The following EYS variants were observed in gnomAD, a reference collection of about 807,000 sequenced individuals.
EYS encodes EGF-like photoreceptor maintenance factor.
A neutral mutation model predicts 282.1 loss-of-function variants in EYS; 250 were observed. That is an observed-to-expected ratio of 0.89 (90% CI 0.80 to 0.98). The LOEUF (loss-of-function observed/expected upper bound fraction) is 0.98. EYS is among the 50% of genes least tolerant of loss of function. The probability of loss-of-function intolerance (pLI) is 0.00; values close to 1 mark genes in which losing one functional copy is unlikely to be tolerated. For missense variants in EYS, 4,016 were observed against 3,709.0 expected (o/e 1.08, Z -2.15); for synonymous variants, 1,355 against 1,282.9 (o/e 1.06, Z -1.20).
chr6:65,369,330 TTATATA>T (rs200969989), intron 8 of EYS, among the ~76,000 whole-genome samples: 1 of 138,314 alleles, frequency 7.2e-6, no homozygotes, highest in Non-Finnish European at 1.6e-5. Context: ...ATATATATAT[TTATATA>T]TATATATATC....
rs1337726327 is a variant in EYS at position 64,808,016 on chromosome 6, C to CCTTCCTCCCTCCCTT, written c.3443+5361_3443+5362insAAGGGAGGGAGGAAG. On this transcript the variant is annotated intron_variant, in intron 22 of 42. Transcript: ENST00000503581. ...TCCCTTACTTCCTTCCTCCCTCCCT[C>CCTTCCTCCCTCCCTT]CTTCCTTCCTCCCTCCTTCCTTCCT... Among the ~76,000 whole-genome samples, 5 of 149,162 alleles carry CCTTCCTCCCTCCCTT rather than the reference C, an allele frequency of 3.4e-5. No homozygotes were observed. In the East Asian group the frequency reaches 1.0e-3, roughly 30 times the overall value.
At chr6:64,410,425 T>C (rs1032162461) in intron 28 of EYS, among the ~76,000 whole-genome samples, 5 of 152,180 alleles carry the variant, frequency 3.3e-5, no homozygotes, top group Non-Finnish European at 5.9e-5. Context: ...GGAATCTTCA[T>C]GTCCAATGAG....
At chr6:64,539,046 C>T (rs897832058) in intron 26 of EYS, among the ~76,000 whole-genome samples, 3 of 152,108 alleles carry the variant, frequency 2.0e-5, no homozygotes, top group Non-Finnish European at 4.4e-5. Context: ...TGGAATCATA[C>T]AGTAATTGTC....
At chr6:65,348,759 T>C (rs1936592639) in intron 9 of EYS, among the ~76,000 whole-genome samples, 1 of 151,660 alleles carries the variant, frequency 6.6e-6, no homozygotes, top group Admixed American at 6.6e-5. Context: ...TACTAGTGCT[T>C]GTGGGGTATT....
intron 12 of EYS, among the ~76,000 whole-genome samples, chr6:65,291,102 T>A (rs1405913729): frequency 2.0e-5 from 3 of 151,558 alleles, no homozygotes; most frequent in Non-Finnish European, 3.0e-5. Flanking sequence ...ATAAGAAAAG[T>A]TGTATCTTTA....
At chr6:63,968,119 T>C (rs1304667971) in intron 35 of EYS, among the ~76,000 whole-genome samples, 1 of 152,224 alleles carries the variant, frequency 6.6e-6, no homozygotes, top group Non-Finnish European at 1.5e-5. Flanking sequence ...GAAAGACCTT[T>C]GTAACATGCT....
intron 29 of EYS, among the ~76,000 whole-genome samples, chr6:64,361,292 C>T (rs1440089274): frequency 2.0e-5 from 3 of 151,228 alleles, no homozygotes; most frequent in African/African-American, 7.3e-5. Flanking sequence ...ATGAGTGTTT[C>T]CAGCAAACTG....
chr6:64,242,969 A>G (rs1377105948), intron 30 of EYS, among the ~76,000 whole-genome samples: 2 of 146,734 alleles, frequency 1.4e-5, no homozygotes, highest in African/African-American at 4.9e-5. Flanking sequence ...CAATATATAA[A>G]TTAAATACAT....
intron 11 of EYS, among the ~76,000 whole-genome samples, chr6:65,334,642 G>GT (rs1009494453): frequency 1.3e-5 from 2 of 151,854 alleles, no homozygotes; most frequent in Admixed American, 1.3e-4. Flanking sequence ...TTTTGTTGTT[G>GT]TTTTTTGTAG....
chr6:64,382,945 G>A (rs2150420954), intron 29 of EYS, among the ~76,000 whole-genome samples: 1 of 152,228 alleles, frequency 6.6e-6, no homozygotes, highest in East Asian at 1.9e-4. Context: ...AGTTTCTGCT[G>A]CTCCAGGGAG....
chr6:64,582,704 A>G (rs77823871), intron 26 of EYS, among the ~76,000 whole-genome samples: 1,547 of 151,944 alleles, frequency 0.01, 34 homozygotes, highest in African/African-American at 0.036. Flanking sequence ...AAAAGTTTGT[A>G]TTATTAAACT....
chr6:65,642,507 A>T (rs373185037), intron 1 of EYS, among the ~76,000 whole-genome samples: 38 of 146,404 alleles, frequency 2.6e-4, no homozygotes, highest in African/African-American at 8.6e-4. Flanking sequence ...ATTGGGCTAC[A>T]ATTCTTCAAG....
At chr6:65,241,339 G>A (rs867994875) in intron 12 of EYS, among the ~76,000 whole-genome samples, 3 of 151,926 alleles carry the variant, frequency 2.0e-5, no homozygotes, top group East Asian at 1.9e-4. Flanking sequence ...ACAGTTACAC[G>A]CATAGCAACA....
intron 26 of EYS, among the ~76,000 whole-genome samples, chr6:64,527,221 A>G (rs1374089141): frequency 6.6e-6 from 1 of 151,822 alleles, no homozygotes. Context: ...AACATATTTA[A>G]TGAGAGCTCC....
At chr6:65,476,133 T>C (rs1053754236) in intron 5 of EYS, among the ~76,000 whole-genome samples, 2 of 152,142 alleles carry the variant, frequency 1.3e-5, no homozygotes, top group African/African-American at 4.8e-5. Context: ...CTCCCGTTTT[T>C]TGCGACCCTG....
Position 64,912,559 on chromosome 6 carries a change from G to C in EYS, c.2566C>G (p.Leu856Val), listed in dbSNP as rs1480584899. Residue 856 changes from leucine to valine, a missense_variant, in exon 16 of 43, where the codon CTT becomes GTT. Coordinates refer to ENST00000503581, the MANE Select transcript of EYS (RefSeq NM_001142800.2). ...CHQRYNLCDL[L>V]HNPCRNNSTC... The stretch of plus-strand genomic sequence containing the variant: ...GAGTTGTTTCTGCAAGGGTTATGAA[G>C]TAGGTCACAAAGGTTATAGCGTTGG... 1 of 1,551,154 alleles carries C rather than the reference G, an allele frequency of 6.4e-7. No individual in the cohort carries two copies. Among genetic ancestry groups the C allele is most frequent in the African/African-American group, 1.4e-5 (1 of 73,026 alleles).
At chr6:64,910,146 C>G (rs1369576172) in intron 16 of EYS, among the ~76,000 whole-genome samples, 1 of 152,044 alleles carries the variant, frequency 6.6e-6, no homozygotes, top group Non-Finnish European at 1.5e-5. Flanking sequence ...GTGGAGCTTC[C>G]AAATCATATC....
At chr6:65,287,129 G>A (rs1768389533) in intron 12 of EYS, among the ~76,000 whole-genome samples, 1 of 150,988 alleles carries the variant, frequency 6.6e-6, no homozygotes, top group Non-Finnish European at 1.5e-5. Context: ...CACCAATAAT[G>A]GGAAAATTGA....
chr6:65,319,172 A>G (rs547255841), intron 11 of EYS, among the ~76,000 whole-genome samples: 85 of 142,540 alleles, frequency 6.0e-4, no homozygotes, highest in African/African-American at 2.1e-3. Flanking sequence ...CAAACTGGCC[A>G]ACATGGCAAA....
Sources: allele counts gnomAD v4.1 joint callset (sites outside exome capture counted in the v4.1 genomes callset), GRCh38; gene constraint gnomAD v4.1.1; transcripts MANE v1.5; gene names NCBI Gene and HGNC (gene_info 2026-07-23, HGNC 2026-07-21).